RIF1: variants seen among roughly 807,000 people sequenced by gnomAD.
RIF1 encodes replication timing regulatory factor 1, also known as telomere-associated protein RIF1.
In RIF1, 45 loss-of-function variants were observed where a neutral mutation model predicts 247.1. The observed-to-expected ratio is 0.18, with a 90% CI of 0.14 to 0.23. RIF1 has a LOEUF of 0.23. RIF1 is among the 10% of genes least tolerant of loss of function. RIF1 has a pLI of 1.00. For synonymous variants in RIF1, 1,087 were observed against 978.8 expected, an observed-to-expected ratio of 1.11 and a Z score of -2.06; for missense variants, 2,967 against 2,862.5, an observed-to-expected ratio of 1.04 and a Z score of -0.83.
chr2:151,492,272 GATATTTC>G, intron 9 of RIF1: 1 of 1,611,358 alleles, frequency 6.2e-7, no homozygotes, highest in Non-Finnish European at 8.5e-7. Context: ...AAGTCTTCAT[GATATTTC>G]ACCTGAAATG....
At chr2:151,437,977 T>G (rs569182107) in intron 13 of RIF1, among the ~76,000 whole-genome samples, 1 of 152,346 alleles carries the variant, frequency 6.6e-6, no homozygotes, top group East Asian at 1.9e-4. Context: ...AAAAATTGTT[T>G]GCTCTTTAAC....
chr2:151,427,679 G>C (rs1019021311), intron 8 of RIF1, among the ~76,000 whole-genome samples: 7 of 152,086 alleles, frequency 4.6e-5, no homozygotes, highest in Non-Finnish European at 1.0e-4. Flanking sequence ...CCAGCACTTT[G>C]GGAGGCTGAG....
rs999752806 is a variant in RIF1 at position 151,496,922 on chromosome 2, T to C, written c.*513+1596T>C. 5.0e-5 allele frequency: 77 copies of C among 1,542,474 alleles called. No individual in the cohort carries two copies. In the Middle Eastern group the frequency reaches 6.7e-4, roughly 13 times the overall value. ...TTTTAAAATCAGTAAGTAGTTTTTT[T>C]CTTTTCTTGCCCAAGTACCGAGCTA... is the stretch of plus-strand genomic sequence containing the variant. On this transcript the variant is annotated intron_variant and NMD_transcript_variant, in intron 10 of 13. Coordinates refer to the RIF1 transcript ENST00000454583.
At chr2:151,531,301 TTTC>T in the RIF1 span, among the ~76,000 whole-genome samples, 1 of 146,036 alleles carries the variant, frequency 6.8e-6, no homozygotes, top group Non-Finnish European at 1.5e-5. Flanking sequence ...ACTCTCTTTT[TTTC>T]TTTCTTTTTT....
At position 151,409,936 on chromosome 2, in the gene RIF1, A is replaced by G; in HGVS notation, c.-108A>G. 1.4e-6 allele frequency: 1 copy of G among 700,898 alleles called. No individual in the cohort carries two copies. The highest frequency in any genetic ancestry group is 1.5e-5 in the South Asian group (1 of 66,796). 43.4% of individuals were successfully genotyped at this position (700,898 alleles called of 1,614,324 possible). A position where few individuals can be genotyped will look rare whatever the true frequency, so the allele number is the denominator to read the frequency against. On this transcript the variant is annotated 5_prime_UTR_variant, in exon 1 of 36. Coordinates refer to ENST00000444746, the MANE Select transcript of RIF1 (RefSeq NM_018151.5). ...CTTGGTCTAGGAGGGAGCGCGCCGCACGCGTGAGTAAACAGCCGGAGCTGG... is the reference window on the plus strand; with the variant it reads ...CTTGGTCTAGGAGGGAGCGCGCCGCGCGCGTGAGTAAACAGCCGGAGCTGG...
the RIF1 span, chr2:151,514,982 ATCTC>A: frequency 9.1e-7 from 1 of 1,102,546 alleles, no homozygotes; most frequent in East Asian, 2.6e-5. Flanking sequence ...ATTACAATAT[ATCTC>A]TCCATCTCAG....
At chr2:151,530,093 G>T in the RIF1 span, among the ~76,000 whole-genome samples, 1 of 152,014 alleles carries the variant, frequency 6.6e-6, no homozygotes, top group Admixed American at 6.6e-5. Flanking sequence ...CCCCTTAAGG[G>T]CAAAAACTGT....
At chr2:151,516,901 G>A in the RIF1 span, among the ~76,000 whole-genome samples, 1 of 152,072 alleles carries the variant, frequency 6.6e-6, no homozygotes, top group African/African-American at 2.4e-5. Flanking sequence ...ATAATTGATG[G>A]GTAGCTGTAA....
intron 2 of RIF1, 142 bp from the exon 3 acceptor site, chr2:151,411,118 T>C (rs1200261719): frequency 3.3e-6 from 2 of 604,714 alleles, no homozygotes; most frequent in South Asian, 2.1e-5. Context: ...ATATTCTGTA[T>C]ACCCTTAAGG....
At chr2:151,424,637 A>G (rs1444654891) in intron 8 of RIF1, among the ~76,000 whole-genome samples, 2 of 151,910 alleles carry the variant, frequency 1.3e-5, no homozygotes, top group Non-Finnish European at 2.9e-5. Context: ...TGGGTTATGT[A>G]GTAGTTCTAT....
intron 10 of RIF1, chr2:151,496,307 C>T (rs773623758): frequency 1.3e-5 from 21 of 1,611,658 alleles, no homozygotes; most frequent in South Asian, 2.2e-5. Flanking sequence ...GTGTTTGACT[C>T]GCTCCATCTC....
intron 30 of RIF1, among the ~76,000 whole-genome samples, chr2:151,466,392 C>T (rs1328488632): frequency 1.3e-5 from 2 of 152,176 alleles, no homozygotes; most frequent in African/African-American, 2.4e-5. Context: ...GATAAGGCTC[C>T]TAGCATCTTT....
intron 20 of RIF1, among the ~76,000 whole-genome samples, chr2:151,450,352 A>G (rs532288472): frequency 6.6e-6 from 1 of 152,258 alleles, no homozygotes; most frequent in South Asian, 2.1e-4. Flanking sequence ...TTGTTTATTT[A>G]TAAGACACTT....
At position 151,440,526 on chromosome 2, in the gene RIF1, CT is replaced by C. The variant is rs372584902; in HGVS notation, c.1647+409del. Among the ~76,000 whole-genome samples, 775 of 148,000 alleles carry C rather than the reference CT, an allele frequency of 5.2e-3. 8 individuals carry two copies. Among genetic ancestry groups the C allele is most frequent in the South Asian group, 0.025 (118 of 4,634 alleles). ...GATAATGACTTTGGTATTAAAACCC[CT>C]TTTTTTTTTAAACCCGTGTAGTACA... On this transcript the variant is annotated intron_variant, in intron 15 of 35. Coordinates refer to ENST00000444746, the MANE Select transcript of RIF1 (RefSeq NM_018151.5).
At chr2:151,519,788 T>A in the RIF1 span, 35 of 1,467,174 alleles carry the variant, frequency 2.4e-5, no homozygotes, top group African/African-American at 4.0e-4. Flanking sequence ...AATGCAAACA[T>A]CCAAATTATT....
the RIF1 span, chr2:151,526,862 C>T: frequency 1.9e-5 from 23 of 1,237,948 alleles, no homozygotes; most frequent in Non-Finnish European, 2.3e-5. Context: ...GGGGACTGTA[C>T]CATGGAAGAT....
At position 151,465,252 on chromosome 2, in the gene RIF1, T is replaced by C. The variant is rs1314221217; in HGVS notation, c.5732T>C (p.Leu1911Pro). The change falls in exon 30 of 36, where the codon CTA becomes CCA. Residue 1911 changes from leucine (L) to proline (P), a missense_variant. Leu to Pro is a moderately conservative substitution (Grantham distance 98, BLOSUM62 -3). This residue lies in a region of RIF1 where 2,028 missense variants were observed against 1,825.6 expected (regional missense o/e 1.11). Coordinates refer to ENST00000444746, the MANE Select transcript of RIF1 (RefSeq NM_018151.5). ...GNACKVTESN[L>P]EKAKTMELNV... ...GCATGTAAAGTAACAGAATCCAATC[T>C]AGAGAAAGCAAAAACTATGGAATTG... 1.2e-6 allele frequency: 2 copies of C among 1,611,032 alleles called. No individual in the cohort carries two copies. Among genetic ancestry groups the C allele is most frequent in the South Asian group, 1.1e-5 (1 of 90,206 alleles).
rs1689059415 is a variant in RIF1 at position 151,426,170 on chromosome 2, T to TTTTTTTTC, written c.787-2607_787-2606insCTTTTTTT. Among the ~76,000 whole-genome samples the TTTTTTTTC allele has an allele frequency of 2.8e-5, 3 of 107,544 alleles. No homozygotes were observed. In the South Asian group the frequency reaches 1.0e-3, roughly 37 times the overall value. 70.6% of individuals were successfully genotyped at this position (107,544 alleles called of 152,430 possible). ...TTTCAGGATTGTTTTGGCTTTTAATTTTTTTTTTTTTTTTTTTTTTTTGAG... is the reference window on the plus strand; with the variant it reads ...TTTCAGGATTGTTTTGGCTTTTAATTTTTTTTTCTTTTTTTTTTTTTTTTTTTTTTGAG... On this transcript the variant is annotated intron_variant, in intron 8 of 35. Transcript: ENST00000444746.
rs200710489 is a variant in RIF1 at position 151,457,841 on chromosome 2, A to C, written c.2733A>C (p.Gln911His). 2 of 1,613,558 alleles carry C rather than the reference A, an allele frequency of 1.2e-6. No homozygotes were observed. The highest frequency in any genetic ancestry group is 1.1e-5 in the South Asian group (1 of 91,056). ...TGTYDSELLE[Q>H]LSPLLCIIFL... ...CTTATGATAGTGAACTTCTTGAACA[A>C]CTCTCCCCACTATTATGCATAATAT... Residue 911 changes from glutamine to histidine, a missense_variant, in exon 24 of 36, where the codon CAA becomes CAC. By Grantham distance (24) the Gln-to-His change is conservative. Coordinates refer to ENST00000444746, the MANE Select transcript of RIF1 (RefSeq NM_018151.5).
Sources: gnomAD v4.1 joint callset for allele counts (sites outside exome capture counted in the v4.1 genomes callset) on GRCh38, gnomAD v4.1.1 for gene constraint, gnomAD v4.1.1 regional missense constraint, MANE v1.5 for transcripts, NCBI Gene and HGNC (gene_info 2026-07-23, HGNC 2026-07-21) for gene names.